The following GRIK4 variants were observed in gnomAD, a reference collection of about 807,000 sequenced individuals.
The protein encoded by GRIK4 is glutamate receptor ionotropic, kainate 4.
A neutral mutation model predicts 104.9 loss-of-function variants in GRIK4; 40 were observed. The observed-to-expected ratio is 0.38, with a 90% CI of 0.30 to 0.50. The LOEUF (loss-of-function observed/expected upper bound fraction) is 0.50, where lower values mean the gene tolerates loss of function less well. Ranked by LOEUF, GRIK4 falls within the 20% of genes least tolerant of loss-of-function variation. The pLI is 0.93. For missense variants in GRIK4, 1,047 were observed against 1,308.1 expected (o/e 0.80, Z 3.08); for synonymous variants, 485 against 524.9 (o/e 0.92, Z 1.04).
chr11:120,704,847 C>T (rs1192406036), intron 3 of GRIK4, among the ~76,000 whole-genome samples: 3 of 151,472 alleles, frequency 2.0e-5, no homozygotes, highest in Non-Finnish European at 4.4e-5. Context: ...GAGTCACAAA[C>T]AACATATAAA....
intron 9 of GRIK4, chr11:120,869,529 C>A (rs1429843016): frequency 6.6e-6 from 1 of 152,304 alleles, no homozygotes; most frequent in Non-Finnish European, 1.5e-5. Context: ...ACATTGCCAA[C>A]AGGCATGCAC....
At position 120,897,601 on chromosome 11, in the gene GRIK4, C is replaced by CAAAAAAAA. The variant is rs56807699; in HGVS notation, c.1165-912_1165-905dup. 1.5e-3 allele frequency among the ~76,000 whole-genome samples: 19 copies of CAAAAAAAA among 13,054 alleles called. 5 individuals are homozygous for CAAAAAAAA. Among genetic ancestry groups the CAAAAAAAA allele is most frequent in the African/African-American group, 2.2e-3 (12 of 5,436 alleles). The allele number at this position is 13,054 out of a possible 152,430, so 8.6% of individuals were successfully genotyped here. ...TGGGTGACAGAACAAGACTCCTTCT[C>CAAAAAAAA]AAAAAAAAAAAAAAAAAAAAAAAAA... is the stretch of plus-strand genomic sequence containing the variant. On this transcript the variant is annotated intron_variant, in intron 11 of 20. Coordinates refer to ENST00000527524, the MANE Select transcript of GRIK4 (RefSeq NM_014619.5).
intron 3 of GRIK4, among the ~76,000 whole-genome samples, chr11:120,758,923 A>G (rs1490082825): frequency 2.0e-5 from 3 of 152,230 alleles, no homozygotes; most frequent in African/African-American, 4.8e-5. Flanking sequence ...CTGGGGATAC[A>G]GTAGAGAACA....
chr11:120,917,000 C>T (rs1943117832), intron 13 of GRIK4, among the ~76,000 whole-genome samples: 1 of 151,744 alleles, frequency 6.6e-6, no homozygotes, highest in Non-Finnish European at 1.5e-5. Flanking sequence ...AATCCCAGCA[C>T]TTTGGGAGGC....
chr11:120,924,398 C>A (rs141665980), intron 13 of GRIK4, among the ~76,000 whole-genome samples: 332 of 152,046 alleles, frequency 2.2e-3, no homozygotes, highest in African/African-American at 7.5e-3. Flanking sequence ...TGGCCATTCT[C>A]CTACTTGGGA....
At chr11:120,741,244 C>G (rs1951325745) in intron 3 of GRIK4, among the ~76,000 whole-genome samples, 1 of 150,190 alleles carries the variant, frequency 6.7e-6, no homozygotes, top group Admixed American at 6.6e-5. Context: ...GTTTACACAG[C>G]TGAGAAGTGG....
At chr11:120,709,962 C>G (rs1950696992) in intron 3 of GRIK4, among the ~76,000 whole-genome samples, 1 of 152,198 alleles carries the variant, frequency 6.6e-6, no homozygotes, top group Admixed American at 6.5e-5. Flanking sequence ...GTAGCTAACG[C>G]AGGCGAGGGT....
intron 13 of GRIK4, among the ~76,000 whole-genome samples, chr11:120,919,459 C>T (rs1394112029): frequency 6.6e-6 from 1 of 152,182 alleles, no homozygotes; most frequent in African/African-American, 2.4e-5. Context: ...GAACGAGTAG[C>T]ATCAGCAACA....
At chr11:120,603,323 A>T (rs1948912625) in intron 1 of GRIK4, among the ~76,000 whole-genome samples, 1 of 152,214 alleles carries the variant, frequency 6.6e-6, no homozygotes, top group Non-Finnish European at 1.5e-5. Flanking sequence ...GAATCTGCAC[A>T]TCTCTCCCTG....
intron 8 of GRIK4, among the ~76,000 whole-genome samples, chr11:120,852,253 G>A (rs1423600424): frequency 3.3e-5 from 5 of 152,308 alleles, no homozygotes; most frequent in Admixed American, 3.3e-4. Context: ...AGGTAAGAGG[G>A]CTTTCCACCT....
At chr11:120,712,989 G>A (rs1047104105) in intron 3 of GRIK4, among the ~76,000 whole-genome samples, 7 of 152,214 alleles carry the variant, frequency 4.6e-5, no homozygotes, top group Admixed American at 6.5e-5. Flanking sequence ...AGTTTCCTGC[G>A]TGAGCCTGGC....
At chr11:120,769,481 TTAA>T (rs1448648508) in intron 3 of GRIK4, among the ~76,000 whole-genome samples, 2 of 152,206 alleles carry the variant, frequency 1.3e-5, no homozygotes, top group Non-Finnish European at 2.9e-5. Context: ...ATTTGTGATA[TTAA>T]TATTTTAATT....
rs916950663 is a variant in GRIK4 at position 120,939,495 on chromosome 11, T to G, written c.1477-852T>G. On this transcript the variant is annotated intron_variant, in intron 13 of 20. Coordinates refer to ENST00000527524, the MANE Select transcript of GRIK4 (RefSeq NM_014619.5). The surrounding 1 kb of genome is among the most constrained non-coding windows in gnomAD (Gnocchi z 5.6). ...TCCTAGCCAGCTGGGATGAGCTTTG[T>G]GATGTTGGACCACTTGCTCAGTTTT... is the stretch of plus-strand genomic sequence containing the variant. Among the ~76,000 whole-genome samples the G allele has an allele frequency of 5.3e-5, 8 of 152,230 alleles. No homozygotes were observed. The highest frequency in any genetic ancestry group is 5.2e-4 in the Admixed American group (8 of 15,280).
intron 1 of GRIK4, among the ~76,000 whole-genome samples, chr11:120,582,028 C>T (rs1264222563): frequency 1.3e-5 from 2 of 151,918 alleles, no homozygotes; most frequent in South Asian, 2.1e-4. Flanking sequence ...AGGATGGTCT[C>T]GATCTCCTGA....
intron 9 of GRIK4, among the ~76,000 whole-genome samples, chr11:120,864,476 G>A (rs1054547042): frequency 3.3e-5 from 5 of 152,168 alleles, no homozygotes; most frequent in East Asian, 3.9e-4. Context: ...TCCTGACTTC[G>A]TGATCCGCCC....
At chr11:120,721,865 T>C (rs554853165) in intron 3 of GRIK4, among the ~76,000 whole-genome samples, 5 of 152,200 alleles carry the variant, frequency 3.3e-5, no homozygotes, top group Admixed American at 1.3e-4. Context: ...ATACAGAAAA[T>C]GAAAGACACG....
intron 3 of GRIK4, among the ~76,000 whole-genome samples, chr11:120,689,508 C>T (rs190910456): frequency 6.6e-6 from 1 of 152,100 alleles, no homozygotes; most frequent in Admixed American, 6.5e-5. Flanking sequence ...CCCTACACTG[C>T]ACCCCTGTTC....
At chr11:120,515,272 C>T (rs930865596) in intron 1 of GRIK4, among the ~76,000 whole-genome samples, 2 of 152,194 alleles carry the variant, frequency 1.3e-5, no homozygotes, top group African/African-American at 4.8e-5. Flanking sequence ...TCAGGCAGAC[C>T]TGGGTTCCTG....
intron 18 of GRIK4, among the ~76,000 whole-genome samples, chr11:120,964,394 T>A (rs1490756810): frequency 6.6e-6 from 1 of 152,226 alleles, no homozygotes; most frequent in African/African-American, 2.4e-5. Context: ...AGGAGTTCTG[T>A]GAACTGTGAA....
Sources: allele counts gnomAD v4.1 joint callset (sites outside exome capture counted in the v4.1 genomes callset), GRCh38; gene constraint gnomAD v4.1.1; non-coding constraint Gnocchi (gnomAD v3.1); transcripts MANE v1.5; gene names NCBI Gene and HGNC (gene_info 2026-07-23, HGNC 2026-07-21).